Variants in CHRDL1 observed in about 807,000 individuals in gnomAD.
The protein encoded by CHRDL1 is chordin-like protein 1.
In CHRDL1, 19 loss-of-function variants were observed where a neutral mutation model predicts 40.9. The ratio of observed to expected loss-of-function variants is 0.46; its 90% CI spans 0.32 to 0.68. The LOEUF is 0.68. Ranked by LOEUF, CHRDL1 falls within the 30% of genes least tolerant of loss-of-function variation. The pLI is 0.03. For missense variants in CHRDL1, 329 were observed against 352.1 expected, an observed-to-expected ratio of 0.93 and a Z score of 0.53; for synonymous variants, 136 against 123.4, an observed-to-expected ratio of 1.10 and a Z score of -0.68.
At chrX:110,744,197 T>C (rs1021680914) in intron 4 of CHRDL1, among the ~76,000 whole-genome samples, 2 of 112,444 alleles carry the variant, frequency 1.8e-5, no homozygotes, top group Non-Finnish European at 3.8e-5. Flanking sequence ...ACATTGAACT[T>C]GTGCCCAATT....
At chrX:110,785,341 C>G (rs1054849909) in intron 2 of CHRDL1, among the ~76,000 whole-genome samples, 2 of 111,718 alleles carry the variant, frequency 1.8e-5, no homozygotes, top group African/African-American at 6.5e-5. Context: ...TGCATGTTCT[C>G]ACTTACAAGT....
intron 9 of CHRDL1, among the ~76,000 whole-genome samples, chrX:110,684,061 G>A (rs1399518885): frequency 9.0e-6 from 1 of 111,288 alleles, no homozygotes; most frequent in Non-Finnish European, 1.9e-5. Context: ...CCCTACTGAG[G>A]TTAATAGGAG....
chrX:110,676,109 G>T lies in CHRDL1; in HGVS notation c.*122C>A. On this transcript the variant is annotated 3_prime_UTR_variant, in exon 12 of 12. Transcript: ENST00000372042. ...GAGCAAATTATGCTGTGCATGGCGT[G>T]AATAATTGACTGCATTTGAGTTTGG... The T allele has an allele frequency of 1.4e-6, 1 of 712,391 alleles. No individual in the cohort carries two copies. The highest frequency in any genetic ancestry group is 2.1e-6 in the Non-Finnish European group (1 of 481,485). 58.7% of individuals were successfully genotyped at this position (712,391 alleles called of 1,213,427 possible).
intron 6 of CHRDL1, among the ~76,000 whole-genome samples, chrX:110,718,647 G>T (rs1248167638): frequency 8.9e-6 from 1 of 112,046 alleles, no homozygotes; most frequent in Non-Finnish European, 1.9e-5. Context: ...CTTTGCATGG[G>T]TGACTTCTTT....
chrX:110,694,019 T>C (rs893155289), intron 8 of CHRDL1, 144 bp downstream of exon 8: 2 of 487,013 alleles, frequency 4.1e-6, no homozygotes, highest in South Asian at 3.5e-5. Context: ...CACCTGACTA[T>C]ACCCACAGAC....
intron 5 of CHRDL1, among the ~76,000 whole-genome samples, chrX:110,720,701 C>G (rs2070935356): frequency 8.9e-6 from 1 of 111,928 alleles, no homozygotes; most frequent in Non-Finnish European, 1.9e-5. Context: ...ATGCCACTTG[C>G]AGGCAGAAAA....
At chrX:110,681,762 A>G (rs1458480245) in intron 9 of CHRDL1, 113 bp from the exon 10 acceptor site, 2 of 551,575 alleles carry the variant, frequency 3.6e-6, no homozygotes, top group Non-Finnish European at 5.9e-6. Flanking sequence ...AAAGTGGACA[A>G]TTAACAAGAA....
intron 7 of CHRDL1, among the ~76,000 whole-genome samples, chrX:110,694,974 G>T (rs1014859237): frequency 1.8e-5 from 2 of 111,544 alleles, no homozygotes; most frequent in Non-Finnish European, 3.8e-5. Context: ...AGGCTAAGGG[G>T]TGAAGACTTT....
chrX:110,776,138 TAAGAAA>T (rs2089848720), intron 2 of CHRDL1, among the ~76,000 whole-genome samples: 1 of 112,213 alleles, frequency 8.9e-6, no homozygotes, highest in South Asian at 3.6e-4. Flanking sequence ...TTATGTCAAT[TAAGAAA>T]AAGAAAAATA....
intron 9 of CHRDL1, among the ~76,000 whole-genome samples, chrX:110,685,778 AT>A (rs35640064): frequency 0.44 from 47,996 of 108,533 alleles, 8,762 homozygotes; most frequent in African/African-American, 0.64. Flanking sequence ...ATTATTTCCA[AT>A]TTTTCAGTAT....
chrX:110,781,017 T>C (rs1449962778), intron 2 of CHRDL1, among the ~76,000 whole-genome samples: 2 of 111,248 alleles, frequency 1.8e-5, no homozygotes, highest in Non-Finnish European at 3.8e-5. Flanking sequence ...CATTTTTTTT[T>C]GGTATAGATA....
rs150602357 is a variant in CHRDL1, at chrX:110,687,058, T to C, written c.988+1536A>G. On this transcript the variant is annotated intron_variant, in intron 9 of 11. Transcript: ENST00000372042. The stretch of plus-strand genomic sequence containing the variant: ...ACTCTGGAAGATGGGGGTTGTTACA[T>C]TGAGGAAGATTTTGTGTCATAAATC... 6.4e-3 allele frequency among the ~76,000 whole-genome samples: 713 copies of C among 110,768 alleles called. 9 individuals are homozygous for C. Among genetic ancestry groups the C allele is most frequent in the African/African-American group, 0.022 (666 of 30,412 alleles).
At chrX:110,793,064 G>T (rs193197987) in intron 1 of CHRDL1, among the ~76,000 whole-genome samples, 2 of 112,004 alleles carry the variant, frequency 1.8e-5, no homozygotes, top group African/African-American at 6.5e-5. Flanking sequence ...ATCTAGTCAC[G>T]GATCATTTCC....
At chrX:110,725,600 C>T (rs1365592873) in intron 4 of CHRDL1, among the ~76,000 whole-genome samples, 1 of 111,291 alleles carries the variant, frequency 9.0e-6, no homozygotes, top group African/African-American at 3.3e-5. Flanking sequence ...GCTGACTGCT[C>T]TCTTCCCCAC....
intron 4 of CHRDL1, among the ~76,000 whole-genome samples, chrX:110,751,572 G>T (rs1306935869): frequency 3.6e-5 from 4 of 111,659 alleles, no homozygotes; most frequent in African/African-American, 9.8e-5. Flanking sequence ...CCACAATGAG[G>T]TATCATCTCA....
chrX:110,740,048 C>T (rs1235062209), intron 4 of CHRDL1, among the ~76,000 whole-genome samples: 1 of 112,629 alleles, frequency 8.9e-6, no homozygotes, highest in African/African-American at 3.2e-5. Flanking sequence ...CTGGTCTACA[C>T]AGCATTTTAG....
rs989220767 is a variant in CHRDL1 at position 110,757,235 on chromosome X, C to CA, written c.301+2425dup. On this transcript the variant is annotated intron_variant, in intron 4 of 11. Coordinates refer to ENST00000372042, the MANE Select transcript of CHRDL1 (RefSeq NM_001143981.2). ...AATAAGAAGGTGAAGAGATAATTTT[C>CA]AAAAAAAAAACTGACTAAAAATTGA... Among the ~76,000 whole-genome samples the CA allele has an allele frequency of 1.3e-3, 131 of 102,485 alleles. 1 individual carries two copies. Among genetic ancestry groups the CA allele is most frequent in the African/African-American group, 2.6e-3 (75 of 28,360 alleles). The allele number at this position is 102,485 out of a possible 115,157, so 89.0% of individuals were successfully genotyped here.
intron 4 of CHRDL1, among the ~76,000 whole-genome samples, chrX:110,733,666 G>C (rs375483023): frequency 2.7e-5 from 3 of 111,186 alleles, no homozygotes; most frequent in East Asian, 5.6e-4. Flanking sequence ...CCAGCACTTT[G>C]GGAGGCTGAG....
At chrX:110,686,730 A>T (rs999057277) in intron 9 of CHRDL1, among the ~76,000 whole-genome samples, 7 of 108,333 alleles carry the variant, frequency 6.5e-5, no homozygotes, top group African/African-American at 2.4e-4. Flanking sequence ...GAGTTTGAAT[A>T]GCTGGGTGTG....
Sources: gnomAD v4.1 joint callset for allele counts (sites outside exome capture counted in the v4.1 genomes callset) on GRCh38, gnomAD v4.1.1 for gene constraint, MANE v1.5 for transcripts, NCBI Gene and HGNC (gene_info 2026-07-23, HGNC 2026-07-21) for gene names.